Variants in PCDHGA2 observed in about 807,000 individuals in gnomAD.
PCDHGA2 encodes protocadherin gamma subfamily A, 2.
A neutral mutation model predicts 59.2 loss-of-function variants in PCDHGA2; 40 were observed. The ratio of observed to expected loss-of-function variants is 0.68; its 90% CI spans 0.52 to 0.88. The LOEUF (loss-of-function observed/expected upper bound fraction) is 0.88, where lower values mean the gene tolerates loss of function less well. Ranked by LOEUF, PCDHGA2 falls within the 40% of genes least tolerant of loss-of-function variation. PCDHGA2 has a pLI of 0.00. For missense variants in PCDHGA2, 1,226 were observed against 1,204.0 expected (o/e 1.02, Z -0.27); for synonymous variants, 560 against 526.0 (o/e 1.06, Z -0.89).
At chr5:141,492,189 G>A (rs2099737936) in intron 1 of PCDHGA2, among the ~76,000 whole-genome samples, 1 of 152,204 alleles carries the variant, frequency 6.6e-6, no homozygotes, top group East Asian at 1.9e-4. Flanking sequence ...GCACCTGTCT[G>A]CGGGACTTAG....
chr5:141,449,944 T>C (rs1375717746), intron 1 of PCDHGA2, among the ~76,000 whole-genome samples: 1 of 151,744 alleles, frequency 6.6e-6, no homozygotes, highest in Non-Finnish European at 1.5e-5. Flanking sequence ...TATATTTTAC[T>C]ATACCTCATA....
At chr5:141,404,672 G>T in intron 1 of PCDHGA2, 1 of 1,614,156 alleles carries the variant, frequency 6.2e-7, no homozygotes, top group Non-Finnish European at 8.5e-7. Flanking sequence ...TGGTTCTACT[G>T]GTGTGGAGCT....
At chr5:141,429,929 T>A (rs2097253197) in intron 1 of PCDHGA2, among the ~76,000 whole-genome samples, 1 of 152,240 alleles carries the variant, frequency 6.6e-6, no homozygotes, top group African/African-American at 2.4e-5. Flanking sequence ...AATAGAATTC[T>A]GGAGTACTTC....
At chr5:141,404,446 G>A (rs1211285523) in intron 1 of PCDHGA2, 2 of 1,612,974 alleles carry the variant, frequency 1.2e-6, no homozygotes, top group East Asian at 2.2e-5. Context: ...CCATCCAAGG[G>A]TCTCCTCTCT....
intron 1 of PCDHGA2, chr5:141,428,075 A>G (rs1427780901): frequency 5.0e-6 from 8 of 1,609,154 alleles, no homozygotes; most frequent in Non-Finnish European, 4.2e-6. Context: ...CAGATTCGGG[A>G]CACAACGCTT....
intron 1 of PCDHGA2, chr5:141,376,053 C>A (rs1453617614): frequency 6.2e-7 from 1 of 1,613,372 alleles, no homozygotes; most frequent in African/African-American, 1.3e-5. Flanking sequence ...CTCTCCGCCA[C>A]TGTCACGCTC....
At chr5:141,447,244 A>G (rs1475037979) in intron 1 of PCDHGA2, among the ~76,000 whole-genome samples, 1 of 152,062 alleles carries the variant, frequency 6.6e-6, no homozygotes, top group South Asian at 2.1e-4. Flanking sequence ...GGTTCAAGTG[A>G]TTCTTCTGTC....
chr5:141,383,038 G>A (rs1778741644), intron 1 of PCDHGA2: 1 of 1,613,858 alleles, frequency 6.2e-7, no homozygotes. Context: ...CTTTGTGGGA[G>A]ACATCGCCAA....
chr5:141,419,085 C>T (rs759272094), intron 1 of PCDHGA2: 1 of 1,613,936 alleles, frequency 6.2e-7, no homozygotes, highest in Non-Finnish European at 8.5e-7. Flanking sequence ...ACAGATGAGG[C>T]CCTGGATCGG....
At position 141,470,874 on chromosome 5, in the gene PCDHGA2, T is replaced by G. The variant is rs146599745; in HGVS notation, c.2425-23933T>G. ...AGATAAGTTTTTTGTTTGTTTGTTT[T>G]TTTGTTTTTGTTTTTGTTTTTTGTA... On this transcript the variant is annotated intron_variant, in intron 1 of 3. Coordinates refer to ENST00000394576, the MANE Select transcript of PCDHGA2 (RefSeq NM_018915.4). 1.4e-3 allele frequency among the ~76,000 whole-genome samples: 218 copies of G among 151,820 alleles called. 1 individual carries two copies. Among genetic ancestry groups the G allele is most frequent in the Middle Eastern group, 0.01 (3 of 294 alleles).
At chr5:141,426,693 A>G (rs62378458) in intron 1 of PCDHGA2, 1 of 435,784 alleles carries the variant, frequency 2.3e-6, no homozygotes, top group African/African-American at 2.0e-5. Flanking sequence ...CCAAAATAGC[A>G]TTGTTTTACA....
intron 1 of PCDHGA2, among the ~76,000 whole-genome samples, chr5:141,445,652 A>C (rs1307606419): frequency 6.6e-6 from 1 of 152,212 alleles, no homozygotes; most frequent in African/African-American, 2.4e-5. Context: ...TGAATAGATT[A>C]ATAGGATGAG....
intron 1 of PCDHGA2, chr5:141,441,529 A>C (rs1042479748): frequency 4.6e-5 from 8 of 172,366 alleles, no homozygotes; most frequent in African/African-American, 1.9e-4. Flanking sequence ...GGCCAAGAAC[A>C]ATCTTCCCAA....
intron 1 of PCDHGA2, chr5:141,374,535 G>A (rs752542327): frequency 1.9e-6 from 3 of 1,613,092 alleles, no homozygotes; most frequent in South Asian, 2.2e-5. Flanking sequence ...CCATCCTCTC[G>A]TTTTCCACTA....
At chr5:141,394,072 T>C (rs1384581843) in intron 1 of PCDHGA2, 4 of 1,613,840 alleles carry the variant, frequency 2.5e-6, no homozygotes, top group Non-Finnish European at 3.4e-6. Context: ...ATCTACAATA[T>C]CACAGTGATG....
chr5:141,429,395 A>T (rs545207705), intron 1 of PCDHGA2, among the ~76,000 whole-genome samples: 166 of 152,126 alleles, frequency 1.1e-3, no homozygotes, highest in African/African-American at 3.8e-3. Flanking sequence ...TTTAAAAAAA[A>T]TTGAGATTAA....
At position 141,339,405 on chromosome 5, in the gene PCDHGA2, C is replaced by A. The variant is rs572475104; in HGVS notation, c.434C>A (p.Thr145Asn). 6.2e-7 allele frequency: 1 copy of A among 1,614,212 alleles called. No individual in the cohort carries two copies. The highest frequency in any genetic ancestry group is 1.1e-5 in the South Asian group (1 of 91,086). Residue 145 changes from threonine to asparagine, a missense_variant, in exon 1 of 4, where the codon ACC becomes AAC. Coordinates refer to ENST00000394576, the MANE Select transcript of PCDHGA2 (RefSeq NM_018915.4). Reference sequence around the variant, plus strand: ...GAACTGGAGCTAAAAATCAGTGAAACCACTACGCCAGGATTCCGGATTCCT... The same window carrying A: ...GAACTGGAGCTAAAAATCAGTGAAAACACTACGCCAGGATTCCGGATTCCT... ...VEELELKISE[T>N]TTPGFRIPLK...
intron 1 of PCDHGA2, chr5:141,392,318 C>T (rs1213951508): frequency 6.6e-6 from 1 of 152,062 alleles, no homozygotes; most frequent in Non-Finnish European, 1.5e-5. Context: ...TTTTTTAAGA[C>T]CAAATGTATT....
At chr5:141,384,808 G>A in intron 1 of PCDHGA2, 3 of 1,613,484 alleles carry the variant, frequency 1.9e-6, no homozygotes, top group Non-Finnish European at 2.5e-6. Flanking sequence ...GGACAGAGAT[G>A]CCCTCAAGCA....
Sources: allele counts gnomAD v4.1 joint callset (sites outside exome capture counted in the v4.1 genomes callset), GRCh38; gene constraint gnomAD v4.1.1; transcripts MANE v1.5; gene names NCBI Gene and HGNC (gene_info 2026-07-23, HGNC 2026-07-21).